The following TBX2 variants were observed in gnomAD, a reference collection of about 807,000 sequenced individuals.
TBX2 encodes the protein T-box transcription factor TBX2.
TBX2 carries 19 observed loss-of-function variants against 48.4 expected under a neutral mutation model. That is an observed-to-expected ratio of 0.39 (90% CI 0.27 to 0.58). The LOEUF (loss-of-function observed/expected upper bound fraction) is 0.58, where lower values mean the gene tolerates loss of function less well. Ranked by LOEUF, TBX2 falls within the 20% of genes least tolerant of loss-of-function variation. TBX2 has a pLI of 0.54. For missense variants in TBX2, 994 were observed against 1,006.5 expected (o/e 0.99, Z 0.17); for synonymous variants, 522 against 459.7 (o/e 1.14, Z -1.73).
At chr17:61,402,677 G>T (rs11652021) in intron 2 of TBX2, among the ~76,000 whole-genome samples, 51,062 of 151,870 alleles carry the variant, frequency 0.34, 11,263 homozygotes, top group Non-Finnish European at 0.5. Flanking sequence ...GAATTGTAGG[G>T]CTCTGTTTTG....
chr17:61,400,590 T>G lies in TBX2; in HGVS notation c.395+19T>G. ...CCGGGAGGTAGGGCTGCCGGCCGGC[T>G]GGAAGGCGCGCGGGCGGGCGGGCGG... On this transcript the variant is annotated intron_variant, in intron 1 of 6. Transcript: ENST00000240328. This position sits in a 1 kb window ranked among gnomAD's most constrained non-coding sequence, Gnocchi z 9.2. 2.2e-6 allele frequency: 3 copies of G among 1,341,662 alleles called. No homozygotes were observed. Among genetic ancestry groups the G allele is most frequent in the Non-Finnish European group, 3.1e-6 (3 of 982,510 alleles). The allele number at this position is 1,341,662 out of a possible 1,614,324, so 83.1% of individuals were successfully genotyped here.
Position 61,404,773 on chromosome 17 carries a change from A to AG in TBX2, c.1051+7dup. Reference sequence around the variant, plus strand: ...CTGCGCCTGCACCGGGCCCGAGGTGAGGGTCGGACCGGAGGAGGGACAGGG... The same window carrying AG: ...CTGCGCCTGCACCGGGCCCGAGGTGAGGGGTCGGACCGGAGGAGGGACAGGG... On this transcript the variant is annotated splice_donor_region_variant and intron_variant, in intron 5 of 6. Transcript: ENST00000240328. The AG allele has an allele frequency of 6.5e-7, 1 of 1,544,498 alleles. No homozygotes were observed. The highest frequency in any genetic ancestry group is 1.2e-5 in the South Asian group (1 of 84,686).
intron 2 of TBX2, 27 bp downstream of exon 2, chr17:61,401,978 G>A: frequency 1.3e-6 from 2 of 1,557,616 alleles, no homozygotes; most frequent in Non-Finnish European, 1.7e-6. Context: ...GGTGGGGACG[G>A]TGCAGGAGCT....
Position 61,405,576 on chromosome 17 carries a change from G to C in TBX2, c.1426G>C (p.Gly476Arg), listed in dbSNP as rs1266677991. 2.5e-6 allele frequency: 4 copies of C among 1,600,496 alleles called. No individual in the cohort carries two copies. Among genetic ancestry groups the C allele is most frequent in the Non-Finnish European group, 2.5e-6 (3 of 1,177,138 alleles). ...CCTGGCCTTTTCCAGCCACTTGCAC[G>C]GGCAGCAGTTCTTTGGGCCGCTGGG... ...PGLAFSSHLH[G>R]QQFFGPLGAG... The change falls in exon 6 of 7, where the codon GGG becomes CGG. Residue 476 changes from glycine (G) to arginine (R), a missense_variant. This residue lies in a region of TBX2 where 639 missense variants were observed against 613.2 expected (regional missense o/e 1.04). Transcript: ENST00000240328.
Position 61,408,848 on chromosome 17 carries a change from G to A in TBX2, c.*342G>A. On this transcript the variant is annotated 3_prime_UTR_variant, in exon 7 of 7. Transcript: ENST00000240328. The stretch of plus-strand genomic sequence containing the variant: ...TCCCTGCAGAAGCCAGAAGGTGCAG[G>A]GGCCAGGGGTGGGAGCATCGGAGGG... 1 of 246,092 alleles carries A rather than the reference G, an allele frequency of 4.1e-6. No homozygotes were observed. Among genetic ancestry groups the A allele is most frequent in the Non-Finnish European group, 7.7e-6 (1 of 130,180 alleles). The allele number at this position is 246,092 out of a possible 1,614,324, so 15.2% of individuals were successfully genotyped here. A position where few individuals can be genotyped will look rare whatever the true frequency, so the allele number is the denominator to read the frequency against.
At chr17:61,404,254 C>A (rs1603241355) in intron 3 of TBX2, among the ~76,000 whole-genome samples, 167 bp from the exon 4 acceptor site, 1 of 152,242 alleles carries the variant, frequency 6.6e-6, no homozygotes, top group Non-Finnish European at 1.5e-5. Context: ...TTCCGCGAGG[C>A]CCTCCCACCG....
chr17:61,402,927 C>CGAGAGAGAGAGA (rs1569015300), intron 2 of TBX2, 134 bp from the exon 3 acceptor site: 3 of 323,726 alleles, frequency 9.3e-6, no homozygotes, highest in South Asian at 5.0e-5. Flanking sequence ...GAGGAAGAAC[C>CGAGAGAGAGAGA]GATAGAGAGA....
chr17:61,400,452 C>T lies in TBX2; in HGVS notation c.276C>T (p.Leu92=). The change falls in exon 1 of 7, where the codon CTC becomes CTT. Residue 92 remains leucine (L), a synonymous_variant. Transcript: ENST00000240328. This position sits in a 1 kb window ranked among gnomAD's most constrained non-coding sequence, Gnocchi z 9.2. ...PHPPAAHLRS[L]KSLEPEDEVE... The stretch of plus-strand genomic sequence containing the variant: ...CGCCCGCCGCGCATCTGCGCTCCCT[C>T]AAGAGCCTGGAGCCCGAGGACGAGG... 1.3e-6 allele frequency: 2 copies of T among 1,594,462 alleles called. No homozygotes were observed. Among genetic ancestry groups the T allele is most frequent in the South Asian group, 1.1e-5 (1 of 88,010 alleles).
At position 61,403,317 on chromosome 17, in the gene TBX2, C is replaced by T. The variant is rs1447170125; in HGVS notation, c.810+110C>T. On this transcript the variant is annotated intron_variant, in intron 3 of 6. Transcript: ENST00000240328. This position sits in a 1 kb window ranked among gnomAD's most constrained non-coding sequence, Gnocchi z 5.8. ...AAGCCCCCTGCACGGGATCCGCGCT[C>T]TTGCGGCCCGCCCCCGAGCACCGAG... The T allele has an allele frequency of 6.7e-7, 1 of 1,497,530 alleles. No individual in the cohort carries two copies. The highest frequency in any genetic ancestry group is 1.4e-5 in the African/African-American group (1 of 70,508). The allele number at this position is 1,497,530 out of a possible 1,614,324, so 92.8% of individuals were successfully genotyped here.
chr17:61,402,563 C>T (rs1372691090), intron 2 of TBX2, among the ~76,000 whole-genome samples: 1 of 152,038 alleles, frequency 6.6e-6, no homozygotes. Context: ...AAGGAACTGC[C>T]CATTCTGAGG....
chr17:61,403,094 C>T lies in TBX2; in HGVS notation c.697C>T (p.Arg233Cys). 1 of 1,613,556 alleles carries T rather than the reference C, an allele frequency of 6.2e-7. No individual in the cohort carries two copies. The highest frequency in any genetic ancestry group is 8.5e-7 in the Non-Finnish European group (1 of 1,179,998). Reference sequence around the variant, plus strand: ...AAACTCCATGCACAAGTACCAGCCGCGCTTCCACATAGTGCGAGCCAACGA... The same window carrying T: ...AAACTCCATGCACAAGTACCAGCCGTGCTTCCACATAGTGCGAGCCAACGA... ...ILNSMHKYQP[R>C]FHIVRANDIL... is the part of the protein sequence containing the mutation. Residue 233 changes from arginine to cysteine, a missense_variant, in exon 3 of 7, where the codon CGC becomes TGC. By Grantham distance (180) the Arg-to-Cys change is radical. Around this residue, in one of 5 missense-constraint regions of TBX2, gnomAD observed 153 missense variants for 166.2 expected, o/e 0.92. Coordinates refer to ENST00000240328, the MANE Select transcript of TBX2 (RefSeq NM_005994.4). The surrounding 1 kb of genome is among the most constrained non-coding windows in gnomAD (Gnocchi z 5.8).
Position 61,404,646 on chromosome 17 carries a change from C to A in TBX2, c.928C>A (p.His310Asn). ...TLPSLRLYEEHCKPERDGAES... is the reference protein window; with the variant it reads ...TLPSLRLYEENCKPERDGAES... Reference sequence around the variant, plus strand: ...GCCGTCTCTACGCTTGTACGAGGAGCACTGCAAACCCGAGCGCGATGGCGC... The same window carrying A: ...GCCGTCTCTACGCTTGTACGAGGAGAACTGCAAACCCGAGCGCGATGGCGC... The change falls in exon 5 of 7, where the codon CAC (histidine) becomes AAC (asparagine). Residue 310 changes from histidine (H) to asparagine (N), a missense_variant. This residue lies in a region of TBX2 where 639 missense variants were observed against 613.2 expected (regional missense o/e 1.04). Transcript: ENST00000240328. 6.3e-7 allele frequency: 1 copy of A among 1,579,388 alleles called. No homozygotes were observed. Among genetic ancestry groups the A allele is most frequent in the Non-Finnish European group, 8.6e-7 (1 of 1,162,922 alleles).
In TBX2 at chr17:61,408,687, A is replaced by G; in HGVS notation, c.*181A>G. ...TGGGACACTTCCCTGGGCCTCAACAAGGATCAGGCTGCTGGAAACACAGTC... is the reference window on the plus strand; with the variant it reads ...TGGGACACTTCCCTGGGCCTCAACAGGGATCAGGCTGCTGGAAACACAGTC... On this transcript the variant is annotated 3_prime_UTR_variant, in exon 7 of 7. Coordinates refer to ENST00000240328, the MANE Select transcript of TBX2 (RefSeq NM_005994.4). The G allele has an allele frequency of 1.9e-6, 1 of 521,770 alleles. No individual in the cohort carries two copies. The highest frequency in any genetic ancestry group is 3.1e-6 in the Non-Finnish European group (1 of 322,858). The allele number at this position is 521,770 out of a possible 1,614,324, so 32.3% of individuals were successfully genotyped here.
In TBX2 at chr17:61,408,550, G is replaced by C; in HGVS notation, c.*44G>C. ...CCCTGCCACGCAGGCCACCCGGGCTGCCTGCCCCTGCTGCTTGGGACGTGT... is the reference window on the plus strand; with the variant it reads ...CCCTGCCACGCAGGCCACCCGGGCTCCCTGCCCCTGCTGCTTGGGACGTGT... On this transcript the variant is annotated 3_prime_UTR_variant, in exon 7 of 7. Transcript: ENST00000240328. The C allele has an allele frequency of 7.0e-7, 1 of 1,418,796 alleles. No homozygotes were observed. The highest frequency in any genetic ancestry group is 1.5e-5 in the South Asian group (1 of 65,888). 87.9% of individuals were successfully genotyped at this position (1,418,796 alleles called of 1,614,324 possible). A position where few individuals can be genotyped will look rare whatever the true frequency, so the allele number is the denominator to read the frequency against.
At chr17:61,402,043 G>A in intron 2 of TBX2, 92 bp downstream of exon 2, 3 of 1,493,614 alleles carry the variant, frequency 2.0e-6, no homozygotes, top group Non-Finnish European at 2.7e-6. Context: ...ATCTCCCAGG[G>A]GGAAGCGCTG....
chr17:61,404,413 C>T lies in TBX2; in HGVS notation c.811-8C>T. The T allele has an allele frequency of 1.1e-5, 17 of 1,604,438 alleles. 1 individual carries two copies. In the South Asian group the frequency reaches 1.3e-4, roughly 13 times the overall value. On this transcript the variant is annotated splice_polypyrimidine_tract_variant and splice_region_variant and intron_variant, in intron 3 of 6. Coordinates refer to ENST00000240328, the MANE Select transcript of TBX2 (RefSeq NM_005994.4). ...CCTGACTTAGCGCCGCCCCCTTGGT[C>T]CCCGCAGATCACACAGCTGAAGATC...
rs375451178 is a variant in TBX2 at position 61,402,084 on chromosome 17, C to A, written c.663+133C>A. On this transcript the variant is annotated intron_variant, in intron 2 of 6. Transcript: ENST00000240328. ...ACCCCCAGAGTGCCCCTGCCCGGGT[C>A]ACTGCCCTGTGGTCTACGTGGGCTG... 1.0e-4 allele frequency: 141 copies of A among 1,350,894 alleles called. No homozygotes were observed. In the East Asian group the frequency reaches 2.9e-3, roughly 28 times the overall value. 83.7% of individuals were successfully genotyped at this position (1,350,894 alleles called of 1,614,324 possible).
In TBX2 at chr17:61,400,247, TCC is replaced by T; in HGVS notation, c.74_75del (p.Pro25HisfsTer136). The T allele has an allele frequency of 8.3e-7, 1 of 1,210,130 alleles. No homozygotes were observed. Among genetic ancestry groups the T allele is most frequent in the Non-Finnish European group, 1.1e-6 (1 of 949,668 alleles). 75.0% of individuals were successfully genotyped at this position (1,210,130 alleles called of 1,614,324 possible). ...TTCCACGCGCCACGGCCCGCCGACT[TCC>T]CCATGTCCGCCTTTCTGGCGGCGGC... On this transcript the variant is annotated frameshift_variant, in exon 1 of 7. Coordinates refer to ENST00000240328, the MANE Select transcript of TBX2 (RefSeq NM_005994.4). LOFTEE classifies it high-confidence loss of function. This position sits in a 1 kb window ranked among gnomAD's most constrained non-coding sequence, Gnocchi z 9.2.
At chr17:61,404,009 G>C (rs1253496617) in intron 3 of TBX2, among the ~76,000 whole-genome samples, 1 of 152,166 alleles carries the variant, frequency 6.6e-6, no homozygotes, top group African/African-American at 2.4e-5. Flanking sequence ...GCGTGTGTGC[G>C]AGCCCGTGAG....
Sources: allele counts gnomAD v4.1 joint callset (sites outside exome capture counted in the v4.1 genomes callset), GRCh38; gene constraint gnomAD v4.1.1; regional missense constraint gnomAD v4.1.1; non-coding constraint Gnocchi (gnomAD v3.1); transcripts MANE v1.5; gene names NCBI Gene and HGNC (gene_info 2026-07-23, HGNC 2026-07-21).